The following HELB variants were observed in gnomAD, a reference collection of about 807,000 sequenced individuals.
The protein encoded by HELB is DNA helicase B.
HELB carries 96 observed loss-of-function variants against 101.7 expected under a neutral mutation model. That is an observed-to-expected ratio of 0.94 (90% CI 0.80 to 1.12). HELB has a LOEUF of 1.12. HELB is among the 50% of genes most tolerant of loss of function. HELB has a pLI of 0.00. For missense variants in HELB, 1,210 were observed against 1,291.9 expected, an observed-to-expected ratio of 0.94 and a Z score of 0.97; for synonymous variants, 437 against 459.7, an observed-to-expected ratio of 0.95 and a Z score of 0.63.
chr12:66,315,328 G>A lies in HELB; in HGVS notation c.1945G>A (p.Glu649Lys). ...TCTTAAGTCAAGAAATTGTGCTATTGAGCTAAAGACAAACCATAGAGCAGA... is the reference window on the plus strand; with the variant it reads ...TCTTAAGTCAAGAAATTGTGCTATTAAGCTAAAGACAAACCATAGAGCAGA... Reference protein sequence around the residue: ...ETLKSRNCAIELKTNHRAESQ... With the variant: ...ETLKSRNCAIKLKTNHRAESQ... Residue 649 changes from glutamate to lysine, a missense_variant, in exon 6 of 13, where the codon GAG becomes AAG. Physicochemically the swap from Glu to Lys is moderately conservative, Grantham distance 56. Coordinates refer to ENST00000247815, the MANE Select transcript of HELB (RefSeq NM_001370285.1). 1 of 1,609,568 alleles carries A rather than the reference G, an allele frequency of 6.2e-7. No individual in the cohort carries two copies. Among genetic ancestry groups the A allele is most frequent in the Non-Finnish European group, 8.5e-7 (1 of 1,177,804 alleles).
intron 9 of HELB, 64 bp from the exon 10 acceptor site, chr12:66,323,919 T>C: frequency 2.9e-6 from 3 of 1,033,122 alleles, no homozygotes; most frequent in Non-Finnish European, 4.5e-6. Context: ...TAGTAGTTAA[T>C]GTTTGAACAA....
intron 5 of HELB, among the ~76,000 whole-genome samples, chr12:66,314,866 A>G (rs1373002671): frequency 6.6e-6 from 1 of 152,102 alleles, no homozygotes; most frequent in Non-Finnish European, 1.5e-5. Context: ...CTGTTATCAA[A>G]TGCATTTATT....
Position 66,314,027 on chromosome 12 carries a change from CACAA to C in HELB, c.1729_1732del (p.Lys577HisfsTer20). On this transcript the variant is annotated frameshift_variant, in exon 5 of 13. Coordinates refer to ENST00000247815, the MANE Select transcript of HELB (RefSeq NM_001370285.1). LOFTEE classifies it high-confidence loss of function. Reference sequence around the variant, plus strand: ...ATTCATGGACTCAAACAATGATGACCACAAACAAACCATGGAAATTTTCTTCGGT... The same window carrying C: ...ATTCATGGACTCAAACAATGATGACCACAAACCATGGAAATTTTCTTCGGT... The C allele has an allele frequency of 6.2e-7, 1 of 1,613,830 alleles. No individual in the cohort carries two copies. The highest frequency in any genetic ancestry group is 1.1e-5 in the South Asian group (1 of 91,068).
At chr12:66,318,468 G>T (rs2137001414) in intron 6 of HELB, among the ~76,000 whole-genome samples, 170 bp from the exon 7 acceptor site, 1 of 152,084 alleles carries the variant, frequency 6.6e-6, no homozygotes, top group African/African-American at 2.4e-5. Context: ...TAAGTTTATT[G>T]TCTTCTATTA....
intron 7 of HELB, among the ~76,000 whole-genome samples, chr12:66,320,734 A>G (rs1392670058): frequency 6.6e-6 from 1 of 152,150 alleles, no homozygotes; most frequent in East Asian, 1.9e-4. Flanking sequence ...CTTAGGAAGC[A>G]TATAGTACTT....
At chr12:66,316,234 A>G (rs2053603512) in intron 6 of HELB, among the ~76,000 whole-genome samples, 1 of 152,136 alleles carries the variant, frequency 6.6e-6, no homozygotes, top group South Asian at 2.1e-4. Flanking sequence ...AGGTTTGTGT[A>G]AGTACACTCT....
intron 12 of HELB, among the ~76,000 whole-genome samples, chr12:66,333,480 T>C (rs2053831380): frequency 6.6e-6 from 1 of 151,224 alleles, no homozygotes; most frequent in Non-Finnish European, 1.5e-5. Context: ...AAATCAGGAG[T>C]TTGAGACCAG....
rs35605829 is a variant in HELB, at chr12:66,305,057, G to A, written c.514G>A (p.Glu172Lys). 7.9e-3 allele frequency: 12,756 copies of A among 1,612,202 alleles called. 788 individuals carry two copies. In the African/African-American group the frequency reaches 0.14, roughly 18 times the overall value. The change falls in exon 2 of 13, where the codon GAA becomes AAA. Residue 172 changes from glutamate (E) to lysine (K), a missense_variant. Physicochemically the swap from Glu to Lys is moderately conservative, Grantham distance 56. Transcript: ENST00000247815. ...GGAAACACTAAGAACTTTCCACAAG[G>A]AAACTGGAAGGAAAGATCAAAAGCA... is the stretch of plus-strand genomic sequence containing the variant. ...LRETLRTFHK[E>K]TGRKDQKQPT...
Position 66,310,294 on chromosome 12 carries a change from C to T in HELB, c.1366C>T (p.Arg456Trp), listed in dbSNP as rs769875630. The change falls in exon 4 of 13, where the codon CGG becomes TGG. Residue 456 changes from arginine to tryptophan, a missense_variant. By Grantham distance (101) the Arg-to-Trp change is moderately radical. This residue lies in a region of HELB where 470 missense variants were observed against 563.1 expected (regional missense o/e 0.83). Coordinates refer to ENST00000247815, the MANE Select transcript of HELB (RefSeq NM_001370285.1). The part of the protein sequence containing the change: ...DQDQVEVPLD[R>W]DQVAALEMIC... ...GGATCAGGTTGAAGTTCCACTGGAT[C>T]GGGATCAGGTGGCTGCTTTGGAAAT... 2.3e-5 allele frequency: 37 copies of T among 1,613,944 alleles called. 1 individual carries two copies. The highest frequency in any genetic ancestry group is 3.3e-4 in the Middle Eastern group (2 of 6,084).
intron 11 of HELB, among the ~76,000 whole-genome samples, chr12:66,327,184 T>C (rs1463070737): frequency 1.3e-5 from 2 of 151,268 alleles, no homozygotes; most frequent in East Asian, 3.9e-4. Context: ...TTTGCTAATG[T>C]CGATTGCAGA....
rs1768190625 is a variant in HELB at position 66,314,011 on chromosome 12, C to G, written c.1706C>G (p.Thr569Ser). ...GTCAATTATAGCTTCTATTCATGGA[C>G]TCAAACAATGATGACCACAAACAAA... Reference protein sequence around the residue: ...CQVNYSFYSWTQTMMTTNKPW... With the variant: ...CQVNYSFYSWSQTMMTTNKPW... Residue 569 changes from threonine to serine, a missense_variant, in exon 5 of 13, where the codon ACT (threonine) becomes AGT (serine). Transcript: ENST00000247815. 6.2e-7 allele frequency: 1 copy of G among 1,613,740 alleles called. No homozygotes were observed. Among genetic ancestry groups the G allele is most frequent in the Non-Finnish European group, 8.5e-7 (1 of 1,179,734 alleles).
At chr12:66,333,455 C>T (rs750426826) in intron 12 of HELB, among the ~76,000 whole-genome samples, 6 of 151,680 alleles carry the variant, frequency 4.0e-5, no homozygotes, top group Non-Finnish European at 7.4e-5. Flanking sequence ...GAGGCTGAGG[C>T]GGGTGGATCA....
chr12:66,302,589 G>C lies in HELB; in HGVS notation c.-15G>C. The stretch of plus-strand genomic sequence containing the variant: ...AGGGTTTTCCCGAGTTGTTTGGGTT[G>C]AGTTCAGGAGAAGCATGGCCAGGTC... On this transcript the variant is annotated 5_prime_UTR_variant, in exon 1 of 13. An upstream open reading frame in the 5' UTR loses its in-frame stop. Transcript: ENST00000247815. 1 of 1,608,354 alleles carries C rather than the reference G, an allele frequency of 6.2e-7. No homozygotes were observed. Among genetic ancestry groups the C allele is most frequent in the Non-Finnish European group, 8.5e-7 (1 of 1,175,388 alleles).
chr12:66,341,437 A>C (rs2053917567), downstream of HELB: 1 of 152,126 alleles, frequency 6.6e-6, no homozygotes, highest in African/African-American at 2.4e-5. Flanking sequence ...CTCTGTCAGC[A>C]ACACCCTCAC....
At chr12:66,331,023 G>T (rs2053798824) in intron 11 of HELB, 131 bp from the exon 12 acceptor site, 6 of 977,122 alleles carry the variant, frequency 6.1e-6, no homozygotes, top group Non-Finnish European at 9.2e-6. Context: ...CCATAAAATG[G>T]ACACATAATA....
chr12:66,308,978 T>C (rs1159440236), intron 3 of HELB, among the ~76,000 whole-genome samples: 1 of 152,140 alleles, frequency 6.6e-6, no homozygotes, highest in African/African-American at 2.4e-5. Flanking sequence ...TAGATTATAG[T>C]GAAGGGAGTT....
At chr12:66,331,668 C>T (rs769003055) in intron 12 of HELB, 23 bp downstream of exon 12, 5 of 1,568,036 alleles carry the variant, frequency 3.2e-6, no homozygotes, top group Non-Finnish European at 4.3e-6. Context: ...TTTCCATGTT[C>T]CCAAGTTTTA....
intron 6 of HELB, among the ~76,000 whole-genome samples, chr12:66,317,072 C>T (rs2137000030): frequency 1.3e-5 from 2 of 150,860 alleles, no homozygotes; most frequent in South Asian, 4.2e-4. Context: ...TGGTGGGCAC[C>T]TGTAATCCCA....
chr12:66,339,212 CACAT>C (rs2137023294), downstream of HELB: 1 of 152,120 alleles, frequency 6.6e-6, no homozygotes, highest in South Asian at 2.1e-4. Flanking sequence ...AGATATAATT[CACAT>C]ACATTTCACC....
Sources: allele counts gnomAD v4.1 joint callset (sites outside exome capture counted in the v4.1 genomes callset), GRCh38; gene constraint gnomAD v4.1.1; regional missense constraint gnomAD v4.1.1; transcripts MANE v1.5; gene names NCBI Gene and HGNC (gene_info 2026-07-23, HGNC 2026-07-21).